The following PCDHGA2 variants were observed in gnomAD, a reference collection of about 807,000 sequenced individuals.
The protein encoded by PCDHGA2 is protocadherin gamma-A2.
Under a neutral mutation model 59.2 loss-of-function variants are expected in PCDHGA2, and 40 were observed. That is an observed-to-expected ratio of 0.68 (90% CI 0.52 to 0.88). The LOEUF is 0.88. Ranked by LOEUF, PCDHGA2 falls within the 40% of genes least tolerant of loss-of-function variation. The probability of loss-of-function intolerance (pLI) is 0.00; values close to 1 mark genes in which losing one functional copy is unlikely to be tolerated. For missense variants in PCDHGA2, 1,226 were observed against 1,204.0 expected (o/e 1.02, Z -0.27); for synonymous variants, 560 against 526.0 (o/e 1.06, Z -0.89).
chr5:141,370,748 T>C (rs769655229), intron 1 of PCDHGA2: 2 of 1,613,824 alleles, frequency 1.2e-6, no homozygotes, highest in Non-Finnish European at 8.5e-7. Context: ...ACTTTTTTCA[T>C]GTAACTGTGC....
At chr5:141,422,280 C>A in intron 1 of PCDHGA2, 1 of 1,557,754 alleles carries the variant, frequency 6.4e-7, no homozygotes, top group Non-Finnish European at 8.6e-7. Context: ...TAACTATCAC[C>A]TCTTCTATTA....
chr5:141,404,315 G>A lies in PCDHGA2; in HGVS notation c.2424+62920G>A, dbSNP rs775576610. The A allele has an allele frequency of 9.7e-5, 157 of 1,613,768 alleles. No individual in the cohort carries two copies. Among genetic ancestry groups the A allele is most frequent in the South Asian group, 4.1e-4 (37 of 91,078 alleles). On this transcript the variant is annotated intron_variant, in intron 1 of 3. Transcript: ENST00000394576. Reference sequence around the variant, plus strand: ...TGATAATCCACCTGCTTTCTCTCAAGCCTCCTACTCAGTCTACCTCCCGGA... The same window carrying A: ...TGATAATCCACCTGCTTTCTCTCAAACCTCCTACTCAGTCTACCTCCCGGA...
chr5:141,356,795 T>A (rs1217688832), intron 1 of PCDHGA2: 1 of 1,613,984 alleles, frequency 6.2e-7, no homozygotes, highest in East Asian at 2.2e-5. Context: ...CAGCTGCTGA[T>A]GACAGCCAGT....
Position 141,432,683 on chromosome 5 carries a change from C to T in PCDHGA2, c.2425-62124C>T, listed in dbSNP as rs138402830. The T allele has an allele frequency of 4.8e-5, 78 of 1,613,968 alleles. No individual in the cohort carries two copies. In the African/African-American group the frequency reaches 9.5e-4, roughly 20 times the overall value. On this transcript the variant is annotated intron_variant, in intron 1 of 3. Transcript: ENST00000394576. The surrounding 1 kb of genome is among the most constrained non-coding windows in gnomAD (Gnocchi z 6.0). ...GGACAGAGACGCGCTCAAGCAGAGC[C>T]TCGTAGTGGCCGTCCAGGACCACGG...
At chr5:141,427,525 C>T (rs779318429) in intron 1 of PCDHGA2, 9 of 611,980 alleles carry the variant, frequency 1.5e-5, no homozygotes, top group South Asian at 3.0e-5. Flanking sequence ...GAGCGGATCC[C>T]GGAGTACAAC....
chr5:141,339,813 T>C lies in PCDHGA2; in HGVS notation c.842T>C (p.Leu281Pro), dbSNP rs200162193. The stretch of plus-strand genomic sequence containing the variant: ...TACTACGCTCAAGTGGTATATTTTC[T>C]AGAGAAAAGCCCTGGAGAAACCTCA... ...EGYYAQVVYF[L>P]EKSPGETSEV... is the part of the protein sequence containing the mutation. The change falls in exon 1 of 4, where the codon CTA becomes CCA. Residue 281 changes from leucine to proline, a missense_variant. Coordinates refer to ENST00000394576, the MANE Select transcript of PCDHGA2 (RefSeq NM_018915.4). 174 of 1,614,174 alleles carry C rather than the reference T, an allele frequency of 1.1e-4. No individual in the cohort carries two copies. The highest frequency in any genetic ancestry group is 8.2e-4 in the Middle Eastern group (5 of 6,062).
intron 1 of PCDHGA2, chr5:141,344,877 G>A (rs768877303): frequency 6.2e-7 from 1 of 1,613,902 alleles, no homozygotes; most frequent in Non-Finnish European, 8.5e-7. Context: ...TTATATTCTA[G>A]ATAAAATGCC....
chr5:141,371,310 G>A, intron 1 of PCDHGA2: 2 of 1,613,992 alleles, frequency 1.2e-6, no homozygotes, highest in Non-Finnish European at 1.7e-6. Flanking sequence ...CACTATTGGA[G>A]AACTGGACTT....
intron 1 of PCDHGA2, chr5:141,410,503 A>G: frequency 6.2e-7 from 1 of 1,613,958 alleles, no homozygotes; most frequent in Non-Finnish European, 8.5e-7. Context: ...TTAATTTCCT[A>G]AAATGCAGTG....
At chr5:141,365,089 G>A in intron 1 of PCDHGA2, 2 of 1,613,840 alleles carry the variant, frequency 1.2e-6, no homozygotes, top group South Asian at 2.2e-5. Flanking sequence ...GTGTTCCAGA[G>A]AACATACCTG....
chr5:141,507,846 T>G (rs892503210), intron 3 of PCDHGA2, among the ~76,000 whole-genome samples: 1 of 152,134 alleles, frequency 6.6e-6, no homozygotes, highest in African/African-American at 2.4e-5. Context: ...CAGGCCCTGC[T>G]CTCACTTTCA....
intron 1 of PCDHGA2, chr5:141,428,054 G>A (rs763394113): frequency 6.2e-7 from 1 of 1,609,038 alleles, no homozygotes; most frequent in Admixed American, 1.7e-5. Context: ...CCAAGGTGGT[G>A]GCGGTGGACG....
intron 2 of PCDHGA2, among the ~76,000 whole-genome samples, chr5:141,498,872 G>T (rs912789877): frequency 1.4e-4 from 21 of 151,650 alleles, no homozygotes; most frequent in Non-Finnish European, 2.9e-4. Flanking sequence ...GGCGGAGGTT[G>T]CAGTGAGCTG....
intron 1 of PCDHGA2, among the ~76,000 whole-genome samples, chr5:141,438,674 A>C (rs894070572): frequency 1.9e-4 from 25 of 134,850 alleles, no homozygotes; most frequent in Non-Finnish European, 3.1e-4. Context: ...ATATATTTGG[A>C]GTAGGGGATG....
intron 1 of PCDHGA2, chr5:141,376,159 C>G: frequency 6.2e-7 from 1 of 1,614,084 alleles, no homozygotes; most frequent in Non-Finnish European, 8.5e-7. Context: ...TCACTCTGTA[C>G]CTGGTGGTGG....
intron 1 of PCDHGA2, chr5:141,342,567 T>C (rs1757182021): frequency 6.6e-6 from 1 of 152,248 alleles, no homozygotes; most frequent in African/African-American, 2.4e-5. Context: ...AGACAAGGTG[T>C]TGTTTTGGTT....
In PCDHGA2 at chr5:141,432,725, G is replaced by T; in HGVS notation, c.2425-62082G>T. The T allele has an allele frequency of 6.2e-7, 1 of 1,614,014 alleles. No individual in the cohort carries two copies. On this transcript the variant is annotated intron_variant, in intron 1 of 3. Coordinates refer to ENST00000394576, the MANE Select transcript of PCDHGA2 (RefSeq NM_018915.4). The surrounding 1 kb of genome is among the most constrained non-coding windows in gnomAD (Gnocchi z 6.0). ...GGACCACGGCCAGCCCCCTCTCTCC[G>T]CCACTGTCACGCTCACCGTGGCCGT...
intron 1 of PCDHGA2, chr5:141,424,527 A>G (rs1164206187): frequency 1.3e-5 from 2 of 152,214 alleles, no homozygotes; most frequent in African/African-American, 2.4e-5. Flanking sequence ...GTAAATCCAT[A>G]TATAGAAATA....
At chr5:141,419,762 A>G in intron 1 of PCDHGA2, 1 of 1,614,008 alleles carries the variant, frequency 6.2e-7, no homozygotes, top group Non-Finnish European at 8.5e-7. Context: ...TTTGGGTGAC[A>G]AGGACTCGGT....
Sources: allele counts gnomAD v4.1 joint callset (sites outside exome capture counted in the v4.1 genomes callset), GRCh38; gene constraint gnomAD v4.1.1; non-coding constraint Gnocchi (gnomAD v3.1); transcripts MANE v1.5; gene names NCBI Gene and HGNC (gene_info 2026-07-23, HGNC 2026-07-21).